Variants in AOPEP observed in about 807,000 individuals in gnomAD.
AOPEP encodes the protein aminopeptidase O.
Under a neutral mutation model 98.1 loss-of-function variants are expected in AOPEP, and 77 were observed. The ratio of observed to expected loss-of-function variants is 0.78; its 90% CI spans 0.65 to 0.95. AOPEP has a LOEUF of 0.95. Among genes scored for constraint, AOPEP ranks in the 40% least tolerant of loss-of-function variants. AOPEP has a pLI of 0.00. For synonymous variants in AOPEP, 346 were observed against 365.3 expected, an observed-to-expected ratio of 0.95 and a Z score of 0.60; for missense variants, 1,024 against 1,024.7, an observed-to-expected ratio of 1.00 and a Z score of 0.01.
intron 1 of AOPEP, among the ~76,000 whole-genome samples, chr9:94,737,659 C>A (rs1291504812): frequency 2.0e-5 from 3 of 152,162 alleles, no homozygotes; most frequent in Non-Finnish European, 4.4e-5. Context: ...AATATACCTT[C>A]CATTTGGTAT....
At chr9:94,868,152 C>G (rs572414141) in intron 5 of AOPEP, among the ~76,000 whole-genome samples, 1 of 152,162 alleles carries the variant, frequency 6.6e-6, no homozygotes. Context: ...TTACTAATTC[C>G]TAGGCTGCTT....
intron 5 of AOPEP, among the ~76,000 whole-genome samples, chr9:94,901,358 T>C (rs1338444941): frequency 1.3e-5 from 2 of 152,108 alleles, no homozygotes; most frequent in African/African-American, 4.8e-5. Context: ...CACCTAATAG[T>C]ATAGTATAGT....
intron 1 of AOPEP, among the ~76,000 whole-genome samples, chr9:94,750,523 T>C (rs1195165143): frequency 6.6e-6 from 1 of 151,934 alleles, no homozygotes; most frequent in Non-Finnish European, 1.5e-5. Context: ...AGGCAGAGGT[T>C]GCAGTGAGCC....
chr9:94,816,366 G>A (rs1851700342), intron 5 of AOPEP, among the ~76,000 whole-genome samples: 1 of 150,744 alleles, frequency 6.6e-6, no homozygotes, highest in South Asian at 2.1e-4. Flanking sequence ...AACTCACCAA[G>A]TTAACTCAGG....
At chr9:94,918,958 T>C (rs1348040922) in intron 5 of AOPEP, among the ~76,000 whole-genome samples, 1 of 151,996 alleles carries the variant, frequency 6.6e-6, no homozygotes, top group African/African-American at 2.4e-5. Flanking sequence ...CACTGTTGCC[T>C]GGGCTGGAGT....
downstream of AOPEP, among the ~76,000 whole-genome samples, chr9:95,089,371 G>A (rs1000913532): frequency 6.6e-6 from 1 of 152,254 alleles, no homozygotes; most frequent in Non-Finnish European, 1.5e-5. Context: ...CGGAGAGCAG[G>A]GCTGTCTGCA....
chr9:94,835,529 G>T (rs533733822), intron 5 of AOPEP, among the ~76,000 whole-genome samples: 3 of 152,126 alleles, frequency 2.0e-5, no homozygotes, highest in African/African-American at 7.2e-5. Context: ...AGTTGAACTT[G>T]CTCTCATTGT....
At chr9:94,831,702 C>T (rs1248341649) in intron 5 of AOPEP, among the ~76,000 whole-genome samples, 1 of 151,970 alleles carries the variant, frequency 6.6e-6, no homozygotes, top group Non-Finnish European at 1.5e-5. Flanking sequence ...AATGTTTTTC[C>T]ATTTGTTTGT....
chr9:94,862,247 G>T (rs1294702717), intron 5 of AOPEP, among the ~76,000 whole-genome samples: 1 of 152,162 alleles, frequency 6.6e-6, no homozygotes, highest in African/African-American at 2.4e-5. Context: ...GGCTGAGCAG[G>T]ACCCCCACAG....
chr9:95,049,194 C>T (rs1445511856), intron 13 of AOPEP: 1 of 152,206 alleles, frequency 6.6e-6, no homozygotes, highest in African/African-American at 2.4e-5. Context: ...TTTTGAGGAT[C>T]TGTGCTCACT....
rs762753860 is a variant in AOPEP at position 95,086,729 on chromosome 9, G to A, written c.*52G>A. The A allele has an allele frequency of 7.1e-5, 70 of 988,204 alleles. No homozygotes were observed. The highest frequency in any genetic ancestry group is 5.7e-4 in the Middle Eastern group (2 of 3,504). 61.2% of individuals were successfully genotyped at this position (988,204 alleles called of 1,614,324 possible). On this transcript the variant is annotated 3_prime_UTR_variant, in exon 17 of 17. Coordinates refer to ENST00000375315, the MANE Select transcript of AOPEP (RefSeq NM_001193329.3). The stretch of plus-strand genomic sequence containing the variant: ...TCATTCGTCTCCTCCTAGCCTGGGG[G>A]ACCAGGCTCGAACTGACCCTGGACA...
At chr9:94,984,119 C>T (rs903075029) in intron 11 of AOPEP, among the ~76,000 whole-genome samples, 6 of 151,750 alleles carry the variant, frequency 4.0e-5, no homozygotes, top group African/African-American at 7.3e-5. Flanking sequence ...CTGCAAGCTC[C>T]ACCTCCCAGG....
At chr9:95,084,812 C>T (rs1195638865) in intron 16 of AOPEP, among the ~76,000 whole-genome samples, 4 of 152,098 alleles carry the variant, frequency 2.6e-5, no homozygotes, top group Non-Finnish European at 2.9e-5. Flanking sequence ...GAACAGTGGC[C>T]GGGATTGTCC....
the AOPEP span, chr9:95,101,056 G>C: frequency 4.3e-6 from 1 of 234,218 alleles, no homozygotes; most frequent in Non-Finnish European, 8.4e-6. Context: ...CGGCTCCTCT[G>C]ATGTCCCAAG....
chr9:94,906,165 G>C (rs2051104806), intron 5 of AOPEP, among the ~76,000 whole-genome samples: 1 of 151,800 alleles, frequency 6.6e-6, no homozygotes, highest in Non-Finnish European at 1.5e-5. Flanking sequence ...AATATAGTGA[G>C]ACCCTGTCTC....
intron 5 of AOPEP, among the ~76,000 whole-genome samples, chr9:94,821,225 T>G (rs1853041841): frequency 6.6e-6 from 1 of 152,182 alleles, no homozygotes; most frequent in African/African-American, 2.4e-5. Flanking sequence ...TGAATGACAT[T>G]AGCTGGTGTG....
At chr9:95,149,931 G>A in the AOPEP span, 10 of 1,602,578 alleles carry the variant, frequency 6.2e-6, no homozygotes, top group Admixed American at 1.7e-4. Context: ...ACAGCAAAAT[G>A]GCCTCGTTTA....
At chr9:94,948,705 G>T (rs940151007) in intron 7 of AOPEP, among the ~76,000 whole-genome samples, 5 of 152,182 alleles carry the variant, frequency 3.3e-5, no homozygotes, top group Non-Finnish European at 7.3e-5. Context: ...CCAGTACCAA[G>T]CAGCAGTTCC....
chr9:94,898,100 G>A (rs931760629), intron 5 of AOPEP, among the ~76,000 whole-genome samples: 4 of 151,842 alleles, frequency 2.6e-5, no homozygotes, highest in South Asian at 2.1e-4. Flanking sequence ...TCAGCCTCCC[G>A]AAATGCTGGG....
Sources: gnomAD v4.1 joint callset for allele counts (sites outside exome capture counted in the v4.1 genomes callset) on GRCh38, gnomAD v4.1.1 for gene constraint, MANE v1.5 for transcripts, NCBI Gene and HGNC (gene_info 2026-07-23, HGNC 2026-07-21) for gene names.